Variants in MTSS2 observed in about 807,000 individuals in gnomAD.
The protein encoded by MTSS2 is protein MTSS 2.
MTSS2 carries 27 observed loss-of-function variants against 67.1 expected under a neutral mutation model. The observed-to-expected ratio is 0.40, with a 90% confidence interval of 0.30 to 0.55. The LOEUF is 0.55. Ranked by LOEUF, MTSS2 falls within the 20% of genes least tolerant of loss-of-function variation. MTSS2 has a pLI of 0.43. For synonymous variants in MTSS2, 624 were observed against 468.6 expected, an observed-to-expected ratio of 1.33 and a Z score of -4.28; for missense variants, 1,171 against 1,067.8, an observed-to-expected ratio of 1.10 and a Z score of -1.35.
At position 70,685,710 on chromosome 16, in the gene MTSS2, G is replaced by A. The variant is rs1567510797; in HGVS notation, c.69+13C>T. On this transcript the variant is annotated intron_variant, in intron 1 of 14. Coordinates refer to ENST00000338779, the MANE Select transcript of MTSS2 (RefSeq NM_138383.3). ...CCGTCGCCGCGCGCCCGGCCCCGCC[G>A]CGCCCCGGTTACCTTCATGTCGTTG... The A allele has an allele frequency of 7.6e-7, 1 of 1,321,008 alleles. No homozygotes were observed. Among genetic ancestry groups the A allele is most frequent in the South Asian group, 1.6e-5 (1 of 61,832 alleles). The allele number at this position is 1,321,008 out of a possible 1,614,324, so 81.8% of individuals were successfully genotyped here. A position where few individuals can be genotyped will look rare whatever the true frequency, so the allele number is the denominator to read the frequency against.
intron 13 of MTSS2, 22 bp downstream of exon 13, chr16:70,664,898 A>AG (rs773104254): frequency 6.5e-7 from 1 of 1,529,434 alleles, no homozygotes; most frequent in Non-Finnish European, 8.8e-7. Context: ...CTGGGCGTGA[A>AG]GGGGGGCCCT....
At chr16:70,680,908 C>CGTGGGGGGGGGGGGGGGGG in intron 2 of MTSS2, 41 bp from the exon 3 acceptor site, 1 of 1,174,318 alleles carries the variant, frequency 8.5e-7, no homozygotes, top group Admixed American at 2.5e-5. Flanking sequence ...GGTGGTTGGG[C>CGTGGGGGGGGGGGGGGGGG]GGGGGGGGGG....
rs374716019 is a variant in MTSS2 at position 70,665,073 on chromosome 16, A to G, written c.1152T>C (p.His384=). ...GCAGAGTGGCGCCTGAGGGCTGCTC[A>G]TGGGAGCCGACCTTGGACCAGTCCT... ...PTSDWSKVGS[H]EQPSGATLQR... Residue 384 remains histidine, a synonymous_variant, in exon 13 of 15, where the codon CAT becomes CAC. Coordinates refer to ENST00000338779, the MANE Select transcript of MTSS2 (RefSeq NM_138383.3). 7.5e-6 allele frequency: 12 copies of G among 1,597,462 alleles called. No homozygotes were observed. In the African/African-American group the frequency reaches 1.1e-4, roughly 14 times the overall value.
At position 70,664,739 on chromosome 16, in the gene MTSS2, C is replaced by T. The variant is rs149700961; in HGVS notation, c.1330G>A (p.Ala444Thr). The change falls in exon 14 of 15, where the codon GCC becomes ACC. Residue 444 changes from alanine to threonine, a missense_variant. Coordinates refer to ENST00000338779, the MANE Select transcript of MTSS2 (RefSeq NM_138383.3). ...AKHGEEVSPAASDLAMVLTRG... is the reference protein window; with the variant it reads ...AKHGEEVSPATSDLAMVLTRG... ...GTCAGCACCATGGCCAGGTCACTGG[C>T]GGCGGGGGACACCTCCTCACCGTGC... The T allele has an allele frequency of 5.6e-5, 91 of 1,612,042 alleles. No homozygotes were observed. Among genetic ancestry groups the T allele is most frequent in the Middle Eastern group, 1.7e-4 (1 of 5,936 alleles).
intron 13 of MTSS2, 61 bp downstream of exon 13, chr16:70,664,859 G>A (rs1181816506): frequency 4.0e-6 from 6 of 1,514,938 alleles, no homozygotes; most frequent in South Asian, 1.3e-5. Flanking sequence ...CCGGCCCTGA[G>A]GCCACTGGCT....
rs1237342132 is a variant in MTSS2 at position 70,681,024 on chromosome 16, C to T, written c.71G>A (p.Ser24Asn). 1.9e-6 allele frequency: 3 copies of T among 1,608,882 alleles called. No individual in the cohort carries two copies. Among genetic ancestry groups the T allele is most frequent in the Non-Finnish European group, 2.5e-6 (3 of 1,178,230 alleles). The change falls in exon 2 of 15, where the codon AGC (serine) becomes AAC (asparagine). Residue 24 changes from serine (S) to asparagine (N), a missense_variant and splice_region_variant. This residue lies in a region of MTSS2 where 247 missense variants were observed against 311.8 expected (regional missense o/e 0.79). Coordinates refer to ENST00000338779, the MANE Select transcript of MTSS2 (RefSeq NM_138383.3). ...LFQAIVNDMKSSYPIWEDFNS... is the reference protein window; with the variant it reads ...LFQAIVNDMKNSYPIWEDFNS... ...GAAGTCCTCCCAGATAGGGTAGGAG[C>T]TCTGCCGGGCAAATGGGAGAGAAAG...
intron 11 of MTSS2, among the ~76,000 whole-genome samples, chr16:70,672,596 C>G (rs2052977333): frequency 1.4e-5 from 2 of 147,730 alleles, no homozygotes; most frequent in African/African-American, 5.0e-5. Context: ...TATTTTACAA[C>G]TTTTCTACAA....
At chr16:70,676,605 T>G (rs1407928853) in intron 10 of MTSS2, among the ~76,000 whole-genome samples, 2 of 152,144 alleles carry the variant, frequency 1.3e-5, no homozygotes, top group African/African-American at 4.8e-5. Context: ...AAAAAATGCA[T>G]AAAGCACTTA....
intron 3 of MTSS2, 145 bp from the exon 4 acceptor site, chr16:70,680,200 G>A: frequency 7.2e-6 from 2 of 278,608 alleles, no homozygotes; most frequent in South Asian, 1.5e-4. Flanking sequence ...GCCGGCCCTG[G>A]GGGATTCGGG....
At position 70,665,360 on chromosome 16, in the gene MTSS2, C is replaced by T. The variant is rs549089328; in HGVS notation, c.1128+106G>A. ...GGGGACAGGTGCTGTGTGCACGCAC[C>T]CCTGGCTGAACCCAGGCCCTTTGTG... On this transcript the variant is annotated intron_variant, in intron 12 of 14. Coordinates refer to ENST00000338779, the MANE Select transcript of MTSS2 (RefSeq NM_138383.3). 7 of 1,237,040 alleles carry T rather than the reference C, an allele frequency of 5.7e-6. No individual in the cohort carries two copies. In the Admixed American group the frequency reaches 6.7e-5, roughly 12 times the overall value. The allele number at this position is 1,237,040 out of a possible 1,614,324, so 76.6% of individuals were successfully genotyped here.
At chr16:70,667,635 G>T (rs1042418762) in intron 11 of MTSS2, among the ~76,000 whole-genome samples, 1 of 152,214 alleles carries the variant, frequency 6.6e-6, no homozygotes, top group Non-Finnish European at 1.5e-5. Context: ...CACTTTGGGA[G>T]GCCAAGACGG....
intron 10 of MTSS2, among the ~76,000 whole-genome samples, chr16:70,675,604 G>C (rs904009038): frequency 1.3e-5 from 2 of 152,146 alleles, no homozygotes; most frequent in Non-Finnish European, 2.9e-5. Flanking sequence ...TTTTAGTAAA[G>C]ACGGGGTTTC....
intron 11 of MTSS2, among the ~76,000 whole-genome samples, chr16:70,670,544 G>A (rs534369435): frequency 6.6e-6 from 1 of 152,150 alleles, no homozygotes; most frequent in African/African-American, 2.4e-5. Context: ...TCACACAATA[G>A]AATGCCATAT....
rs1475351306 is a variant in MTSS2 at position 70,661,894 on chromosome 16, A to C, written c.*1783T>G. ...TCGGAAGACCCCTGCAGCCCTGGGG[A>C]GAATGTGTGGCGGAAATTCTACCCA... On this transcript the variant is annotated 3_prime_UTR_variant, in exon 15 of 15. Coordinates refer to ENST00000338779, the MANE Select transcript of MTSS2 (RefSeq NM_138383.3). The C allele has an allele frequency of 6.5e-6, 1 of 154,424 alleles. No homozygotes were observed. The highest frequency in any genetic ancestry group is 1.4e-5 in the Non-Finnish European group (1 of 69,598). 9.6% of individuals were successfully genotyped at this position (154,424 alleles called of 1,614,324 possible). A position where few individuals can be genotyped will look rare whatever the true frequency, so the allele number is the denominator to read the frequency against.
intron 1 of MTSS2, 139 bp downstream of exon 1, chr16:70,685,584 C>G: frequency 2.6e-6 from 1 of 380,604 alleles, no homozygotes; most frequent in Non-Finnish European, 3.8e-6. Flanking sequence ...GCCCAGCAGA[C>G]GCAGGCAGGA....
At position 70,663,722 on chromosome 16, in the gene MTSS2, G is replaced by C. The variant is rs565063933; in HGVS notation, c.2199C>G (p.Leu733=). ...ACCTGTCGTTGGTGACGGTCCTGCG[G>C]AGCCGGACCCCACGCCGGATGGCCA... The part of the protein sequence containing the change: ...MLVAIRRGVR[L]RRTVTNDRSA... The change falls in exon 15 of 15, where the codon CTC becomes CTG. Residue 733 remains leucine, a synonymous_variant. Coordinates refer to ENST00000338779, the MANE Select transcript of MTSS2 (RefSeq NM_138383.3). 2.9e-5 allele frequency: 46 copies of C among 1,584,302 alleles called. No homozygotes were observed. The highest frequency in any genetic ancestry group is 3.9e-5 in the Non-Finnish European group (45 of 1,167,326).
rs568672711 is a variant in MTSS2, at chr16:70,663,941, G to A, written c.1980C>T (p.Ala660=). 4.6e-5 allele frequency: 71 copies of A among 1,557,816 alleles called. No homozygotes were observed. The highest frequency in any genetic ancestry group is 5.6e-5 in the Non-Finnish European group (65 of 1,153,606). The change falls in exon 15 of 15, where the codon GCC becomes GCT. Residue 660 remains alanine, a synonymous_variant. Transcript: ENST00000338779. The part of the protein sequence containing the change: ...PEAAGYPGAG[A]EDEQQQLAAN... ...CCGCCAGCTGCTGCTGCTCGTCCTC[G>A]GCCCCTGCCCCGGGGTACCCGGCTG... is the stretch of plus-strand genomic sequence containing the variant.
intron 2 of MTSS2, 46 bp downstream of exon 2, chr16:70,680,918 G>GGGGGGGGGGGGGGGGCCCCCCCCC: frequency 1.8e-6 from 2 of 1,097,918 alleles, no homozygotes; most frequent in Non-Finnish European, 2.7e-6. Flanking sequence ...CGGGGGGGGG[G>GGGGGGGGGGGGGGGGCCCCCCCCC]CCTCTGCCTG....
rs1218631321 is a variant in MTSS2, at chr16:70,685,718, G to A, written c.69+5C>T. 1 of 1,342,636 alleles carries A rather than the reference G, an allele frequency of 7.4e-7. No individual in the cohort carries two copies. Among genetic ancestry groups the A allele is most frequent in the South Asian group, 1.5e-5 (1 of 66,716 alleles). 83.2% of individuals were successfully genotyped at this position (1,342,636 alleles called of 1,614,324 possible). A position where few individuals can be genotyped will look rare whatever the true frequency, so the allele number is the denominator to read the frequency against. The stretch of plus-strand genomic sequence containing the variant: ...GCGCGCCCGGCCCCGCCGCGCCCCG[G>A]TTACCTTCATGTCGTTGACTATGGC... On this transcript the variant is annotated splice_donor_5th_base_variant and intron_variant, in intron 1 of 14. Transcript: ENST00000338779.
Sources: allele counts gnomAD v4.1 joint callset (sites outside exome capture counted in the v4.1 genomes callset), GRCh38; gene constraint gnomAD v4.1.1; regional missense constraint gnomAD v4.1.1; transcripts MANE v1.5; gene names NCBI Gene and HGNC (gene_info 2026-07-23, HGNC 2026-07-21).